The following ST6GALNAC3 variants were observed in gnomAD, a reference collection of about 807,000 sequenced individuals.
The protein encoded by ST6GALNAC3 is alpha-N-acetylgalactosaminide alpha-2,6-sialyltransferase 3.
In ST6GALNAC3, 25 loss-of-function variants were observed where a neutral mutation model predicts 32.7. The ratio of observed to expected loss-of-function variants is 0.76; its 90% CI spans 0.56 to 1.07. The LOEUF (loss-of-function observed/expected upper bound fraction) is 1.07, where lower values mean the gene tolerates loss of function less well. ST6GALNAC3 is among the 50% of genes least tolerant of loss of function. ST6GALNAC3 has a pLI of 0.00. For synonymous variants in ST6GALNAC3, 129 were observed against 133.1 expected (o/e 0.97, Z 0.21); for missense variants, 355 against 382.4 (o/e 0.93, Z 0.60).
intron 1 of ST6GALNAC3, among the ~76,000 whole-genome samples, chr1:76,233,926 T>TG (rs1218782758): frequency 6.6e-6 from 1 of 150,486 alleles, no homozygotes; most frequent in African/African-American, 2.5e-5. Context: ...AAATTTTATG[T>TG]GGGGGAGCAA....
chr1:76,503,072 A>C (rs1661271632), intron 3 of ST6GALNAC3, among the ~76,000 whole-genome samples: 1 of 152,212 alleles, frequency 6.6e-6, no homozygotes, highest in African/African-American at 2.4e-5. Context: ...GGAACTTACA[A>C]GTTGGGTGCT....
intron 3 of ST6GALNAC3, among the ~76,000 whole-genome samples, chr1:76,538,011 T>C (rs1418697953): frequency 1.3e-5 from 2 of 152,178 alleles, no homozygotes; most frequent in Admixed American, 1.3e-4. Context: ...CCTCCCTAAT[T>C]CATTTTATGA....
intron 2 of ST6GALNAC3, among the ~76,000 whole-genome samples, chr1:76,335,008 C>T (rs1276101545): frequency 2.0e-5 from 3 of 152,056 alleles, no homozygotes; most frequent in East Asian, 1.9e-4. Flanking sequence ...ATATTAAACC[C>T]TGAGATAAAT....
intron 1 of ST6GALNAC3, among the ~76,000 whole-genome samples, chr1:76,281,821 A>G (rs1659513289): frequency 6.6e-6 from 1 of 152,162 alleles, no homozygotes. Context: ...ATTATTATTT[A>G]AGATTATTAA....
chr1:76,329,714 A>G (rs1274058844), intron 2 of ST6GALNAC3, among the ~76,000 whole-genome samples: 1 of 152,194 alleles, frequency 6.6e-6, no homozygotes, highest in Non-Finnish European at 1.5e-5. Flanking sequence ...TAGGTTTTAC[A>G]AAGTTTGTTG....
chr1:76,272,561 G>A (rs901734367), intron 1 of ST6GALNAC3, among the ~76,000 whole-genome samples: 6 of 152,070 alleles, frequency 3.9e-5, no homozygotes, highest in African/African-American at 7.2e-5. Flanking sequence ...ATCTGTACTC[G>A]AACCATGAAC....
chr1:76,616,832 C>T (rs547109759), intron 3 of ST6GALNAC3, among the ~76,000 whole-genome samples: 40 of 152,198 alleles, frequency 2.6e-4, no homozygotes, highest in African/African-American at 9.1e-4. Context: ...AGTTTATTTC[C>T]GGAAGTATTA....
chr1:76,634,845 G>A (rs1237559210), downstream of ST6GALNAC3, among the ~76,000 whole-genome samples: 2 of 86,892 alleles, frequency 2.3e-5, 1 homozygote, highest in African/African-American at 1.2e-4. Context: ...GACTACAGGC[G>A]CCCGCCACTA....
Position 76,356,093 on chromosome 1 carries a change from G to A in ST6GALNAC3, c.213+42094G>A, listed in dbSNP as rs182667049. ...CCTTCTTGGCTAATATTCTGGTTCC[G>A]TTCTTGCCAGTAGCTCCTATTTTCT... On this transcript the variant is annotated intron_variant, in intron 2 of 4. Coordinates refer to ENST00000328299, the MANE Select transcript of ST6GALNAC3 (RefSeq NM_152996.4). 3.9e-4 allele frequency among the ~76,000 whole-genome samples: 60 copies of A among 152,124 alleles called. 1 individual carries two copies. Among genetic ancestry groups the A allele is most frequent in the Admixed American group, 3.3e-3 (50 of 15,282 alleles).
chr1:76,085,288 T>C (rs1464406006), intron 1 of ST6GALNAC3, among the ~76,000 whole-genome samples: 1 of 152,194 alleles, frequency 6.6e-6, no homozygotes, highest in East Asian at 1.9e-4. Flanking sequence ...AAATATTTAC[T>C]ACCCATCTCT....
At chr1:76,243,977 T>A (rs976316149) in intron 1 of ST6GALNAC3, among the ~76,000 whole-genome samples, 2 of 152,224 alleles carry the variant, frequency 1.3e-5, no homozygotes, top group African/African-American at 4.8e-5. Context: ...TTTCTAATTC[T>A]GTGAAGAAAG....
intron 3 of ST6GALNAC3, among the ~76,000 whole-genome samples, chr1:76,463,391 C>T (rs1184066763): frequency 6.6e-6 from 1 of 152,150 alleles, no homozygotes; most frequent in Non-Finnish European, 1.5e-5. Context: ...CCTTGCACAG[C>T]TCATTGGAGA....
chr1:76,146,937 A>C (rs1557653542), intron 1 of ST6GALNAC3, among the ~76,000 whole-genome samples: 1 of 151,824 alleles, frequency 6.6e-6, no homozygotes, highest in East Asian at 1.9e-4. Context: ...TCTCTCCTAC[A>C]TGCTTCTCTC....
intron 2 of ST6GALNAC3, among the ~76,000 whole-genome samples, chr1:76,397,479 C>T (rs552636967): frequency 6.7e-6 from 1 of 149,924 alleles, no homozygotes; most frequent in South Asian, 2.1e-4. Context: ...AAGTTGTTCT[C>T]CTGCCTCAGC....
intron 3 of ST6GALNAC3, among the ~76,000 whole-genome samples, chr1:76,588,527 C>T (rs573227753): frequency 2.1e-4 from 32 of 152,280 alleles, no homozygotes; most frequent in African/African-American, 6.5e-4. Context: ...TAAATCAGTG[C>T]GTGTGCTAAT....
chr1:76,083,674 CAT>C, intron 1 of ST6GALNAC3, among the ~76,000 whole-genome samples: 1 of 152,108 alleles, frequency 6.6e-6, no homozygotes, highest in East Asian at 1.9e-4. Context: ...AAAAAAGAAA[CAT>C]GTAGAATTTA....
intron 1 of ST6GALNAC3, among the ~76,000 whole-genome samples, chr1:76,120,681 G>T (rs11587725): frequency 6.6e-6 from 1 of 152,024 alleles, no homozygotes; most frequent in Non-Finnish European, 1.5e-5. Context: ...TAGCTAATGG[G>T]CACCTCAAAT....
chr1:76,289,495 A>C (rs982419756), intron 1 of ST6GALNAC3, among the ~76,000 whole-genome samples: 1 of 152,240 alleles, frequency 6.6e-6, no homozygotes, highest in South Asian at 2.1e-4. Context: ...GGTTCCCAGC[A>C]GGGGTGATAG....
intron 2 of ST6GALNAC3, among the ~76,000 whole-genome samples, chr1:76,340,248 G>C (rs943990793): frequency 3.3e-5 from 5 of 152,262 alleles, no homozygotes; most frequent in Admixed American, 1.3e-4. Context: ...AAGGGAAATA[G>C]CTATTGGCCT....
Sources: allele counts gnomAD v4.1 joint callset (sites outside exome capture counted in the v4.1 genomes callset), GRCh38; gene constraint gnomAD v4.1.1; transcripts MANE v1.5; gene names NCBI Gene and HGNC (gene_info 2026-07-23, HGNC 2026-07-21).